SYN2: variants seen among roughly 807,000 people sequenced by gnomAD.
The protein encoded by SYN2 is synapsin-2.
A neutral mutation model predicts 50.9 loss-of-function variants in SYN2; 19 were observed. The ratio of observed to expected loss-of-function variants is 0.37; its 90% CI spans 0.26 to 0.55. The LOEUF (loss-of-function observed/expected upper bound fraction) is 0.55, where lower values mean the gene tolerates loss of function less well. SYN2 is among the 20% of genes least tolerant of loss of function. The pLI is 0.81. For synonymous variants in SYN2, 255 were observed against 224.9 expected (o/e 1.13, Z -1.20); for missense variants, 587 against 576.4 (o/e 1.02, Z -0.19).
intron 1 of SYN2, among the ~76,000 whole-genome samples, chr3:12,038,309 T>C (rs1395566625): frequency 6.6e-6 from 1 of 152,212 alleles, no homozygotes; most frequent in African/African-American, 2.4e-5. Flanking sequence ...TCATATTATC[T>C]TCATTACTGT....
intron 1 of SYN2, among the ~76,000 whole-genome samples, chr3:12,048,601 G>T (rs1238626053): frequency 6.6e-6 from 1 of 152,174 alleles, no homozygotes; most frequent in African/African-American, 2.4e-5. Flanking sequence ...TTCATTGAAC[G>T]CTTATTGTGT....
At chr3:12,144,471 G>A (rs1697099324) in intron 3 of SYN2, among the ~76,000 whole-genome samples, 1 of 152,170 alleles carries the variant, frequency 6.6e-6, no homozygotes, top group Admixed American at 6.5e-5. Flanking sequence ...GTGGCAGTGT[G>A]GTGAAGGGAG....
intron 1 of SYN2, among the ~76,000 whole-genome samples, chr3:12,078,105 A>G (rs547853531): frequency 1.3e-5 from 2 of 152,208 alleles, no homozygotes; most frequent in South Asian, 4.1e-4. Context: ...TGCTGGCCGT[A>G]TGAATGTCTT....
chr3:12,159,766 G>C (rs767919556), intron 5 of SYN2, among the ~76,000 whole-genome samples: 13 of 152,134 alleles, frequency 8.5e-5, no homozygotes, highest in Non-Finnish European at 1.6e-4. Flanking sequence ...AAGCAGGCTG[G>C]GCGTGGTGGC....
intron 1 of SYN2, among the ~76,000 whole-genome samples, chr3:12,088,338 C>T (rs145164621): frequency 2.4e-4 from 36 of 151,410 alleles, no homozygotes; most frequent in Non-Finnish European, 4.6e-4. Context: ...ATCAGGGAAA[C>T]GCAAATAAAA....
At chr3:12,184,922 C>T in intron 11 of SYN2, 1 of 985,646 alleles carries the variant, frequency 1.0e-6, no homozygotes, top group Non-Finnish European at 1.2e-6. Flanking sequence ...CATTCCCTTC[C>T]ACCTCTATAC....
chr3:12,070,275 C>A (rs1317582186), intron 1 of SYN2: 1 of 483,988 alleles, frequency 2.1e-6, no homozygotes, highest in Non-Finnish European at 4.1e-6. Flanking sequence ...CCGGCATGTA[C>A]AAAGCTGGAT....
chr3:12,167,818 T>C (rs1697838743), intron 8 of SYN2, among the ~76,000 whole-genome samples: 1 of 152,154 alleles, frequency 6.6e-6, no homozygotes, highest in South Asian at 2.1e-4. Context: ...GTTAAGTGGT[T>C]GTGACCAAAA....
At chr3:12,162,323 T>C (rs1239939878) in intron 7 of SYN2, among the ~76,000 whole-genome samples, 169 bp downstream of exon 7, 4 of 152,194 alleles carry the variant, frequency 2.6e-5, no homozygotes, top group African/African-American at 9.7e-5. Context: ...TGAGAAAATA[T>C]ATTAATATTC....
chr3:12,082,416 A>G (rs976309962), intron 1 of SYN2, among the ~76,000 whole-genome samples: 2 of 152,188 alleles, frequency 1.3e-5, no homozygotes, highest in African/African-American at 4.8e-5. Context: ...GAGTCCTGAG[A>G]ATTGTATTAT....
At chr3:12,045,411 A>G (rs1289983082) in intron 1 of SYN2, among the ~76,000 whole-genome samples, 1 of 152,204 alleles carries the variant, frequency 6.6e-6, no homozygotes, top group Non-Finnish European at 1.5e-5. Flanking sequence ...GGTAAGAATG[A>G]ATGAGGAGAA....
chr3:12,134,929 A>G (rs930009773), intron 1 of SYN2, among the ~76,000 whole-genome samples: 7 of 152,144 alleles, frequency 4.6e-5, no homozygotes, highest in Non-Finnish European at 8.8e-5. Context: ...ATGGTTGCCA[A>G]TTTTTATAGT....
chr3:12,107,155 T>C (rs893639475), intron 1 of SYN2, among the ~76,000 whole-genome samples: 2 of 152,192 alleles, frequency 1.3e-5, no homozygotes, highest in Non-Finnish European at 2.9e-5. Flanking sequence ...CTTATACATT[T>C]TGATTTCAGA....
chr3:12,157,557 G>A lies in SYN2; in HGVS notation c.775-3989G>A, dbSNP rs933497425. On this transcript the variant is annotated intron_variant, in intron 5 of 12. Coordinates refer to ENST00000621198, the MANE Select transcript of SYN2 (RefSeq NM_133625.6). ...ACACCTGAGGTCTGGATGATCCAGG[G>A]TCCATGAAGAAGTCTATAGGGCAGT... 12 of 1,455,980 alleles carry A rather than the reference G, an allele frequency of 8.2e-6. No individual in the cohort carries two copies. The African/African-American group carries it at 1.7e-4, about 20-fold the overall frequency. 90.2% of individuals were successfully genotyped at this position (1,455,980 alleles called of 1,614,324 possible).
chr3:12,095,833 T>C (rs1695920900), intron 1 of SYN2, among the ~76,000 whole-genome samples: 1 of 152,056 alleles, frequency 6.6e-6, no homozygotes, highest in African/African-American at 2.4e-5. Context: ...GCCATCACCA[T>C]AGATTTCATA....
intron 1 of SYN2, among the ~76,000 whole-genome samples, chr3:12,054,868 A>C (rs1214201559): frequency 2.6e-5 from 4 of 152,140 alleles, no homozygotes; most frequent in African/African-American, 9.7e-5. Context: ...TACATTTGAT[A>C]GTTTAGTAGA....
chr3:12,054,034 C>T (rs1694934582), intron 1 of SYN2, among the ~76,000 whole-genome samples: 1 of 152,064 alleles, frequency 6.6e-6, no homozygotes, highest in South Asian at 2.1e-4. Context: ...GGGAGTGAGG[C>T]AGGAAGGACA....
At chr3:12,053,775 C>T (rs572208270) in intron 1 of SYN2, among the ~76,000 whole-genome samples, 2 of 151,898 alleles carry the variant, frequency 1.3e-5, no homozygotes, top group Admixed American at 1.3e-4. Context: ...TTTTGTATGC[C>T]TCAAGTAATT....
intron 10 of SYN2, among the ~76,000 whole-genome samples, chr3:12,170,555 G>A (rs1419519496): frequency 2.6e-5 from 4 of 152,318 alleles, no homozygotes; most frequent in East Asian, 1.9e-4. Flanking sequence ...ATCAGGCCCT[G>A]TGGCAGGGAA....
Sources: gnomAD v4.1 joint callset for allele counts (sites outside exome capture counted in the v4.1 genomes callset) on GRCh38, gnomAD v4.1.1 for gene constraint, MANE v1.5 for transcripts, NCBI Gene and HGNC (gene_info 2026-07-23, HGNC 2026-07-21) for gene names.